CNTNAP5: variants seen among roughly 807,000 people sequenced by gnomAD.
CNTNAP5 encodes contactin-associated protein-like 5.
A neutral mutation model predicts 150.2 loss-of-function variants in CNTNAP5; 72 were observed. The observed-to-expected ratio is 0.48, with a 90% CI of 0.40 to 0.58. The LOEUF is 0.58. Ranked by LOEUF, CNTNAP5 falls within the 20% of genes least tolerant of loss-of-function variation. CNTNAP5 has a pLI of 0.00. For missense variants in CNTNAP5, 1,636 were observed against 1,626.2 expected (o/e 1.01, Z -0.10); for synonymous variants, 672 against 619.8 (o/e 1.08, Z -1.25).
chr2:124,444,779 C>T (rs1044760627), intron 5 of CNTNAP5, among the ~76,000 whole-genome samples: 7 of 152,174 alleles, frequency 4.6e-5, no homozygotes, highest in Non-Finnish European at 1.0e-4. Flanking sequence ...TCCTGGGCCA[C>T]GCTTCCCTAC....
intron 17 of CNTNAP5, among the ~76,000 whole-genome samples, chr2:124,777,466 C>T (rs1681349885): frequency 1.3e-5 from 2 of 152,018 alleles, no homozygotes; most frequent in Admixed American, 6.6e-5. Flanking sequence ...CACTGAAACC[C>T]CTGCTTCCCG....
chr2:124,099,935 C>T (rs1683026700), intron 1 of CNTNAP5, among the ~76,000 whole-genome samples: 1 of 152,186 alleles, frequency 6.6e-6, no homozygotes, highest in African/African-American at 2.4e-5. Flanking sequence ...AAGCCCACTT[C>T]CAACACTGGA....
intron 1 of CNTNAP5, among the ~76,000 whole-genome samples, chr2:124,191,030 A>G (rs1414136304): frequency 6.6e-6 from 1 of 152,126 alleles, no homozygotes; most frequent in Non-Finnish European, 1.5e-5. Flanking sequence ...GCTTTTTTTG[A>G]GACATATTTT....
chr2:124,836,804 A>G lies in CNTNAP5; in HGVS notation c.3218-28502A>G, dbSNP rs188553708. ...TATGCTCTTGCCCAGAGAGGTCATA[A>G]TCCCCACTGAACAGTGATTAATTAT... On this transcript the variant is annotated intron_variant, in intron 19 of 23. Coordinates refer to ENST00000682447, the MANE Select transcript of CNTNAP5 (RefSeq NM_001367498.1). Among the ~76,000 whole-genome samples the G allele has an allele frequency of 1.2e-4, 18 of 152,236 alleles. No individual in the cohort carries two copies. In the East Asian group the frequency reaches 3.5e-3, roughly 29 times the overall value.
intron 6 of CNTNAP5, among the ~76,000 whole-genome samples, chr2:124,456,650 T>G (rs1302768930): frequency 6.6e-6 from 1 of 152,134 alleles, no homozygotes; most frequent in Non-Finnish European, 1.5e-5. Flanking sequence ...GGCATCACAT[T>G]ACCTGATTTC....
Position 124,580,543 on chromosome 2 carries a change from C to T in CNTNAP5, c.1756+17220C>T, listed in dbSNP as rs189093331. 3.1e-4 allele frequency among the ~76,000 whole-genome samples: 47 copies of T among 152,310 alleles called. 1 individual carries two copies. In the South Asian group the frequency reaches 9.1e-3, roughly 30 times the overall value. On this transcript the variant is annotated intron_variant, in intron 11 of 23. Transcript: ENST00000682447. ...CTGACTCAGGAAGCTGCAAAATTCA[C>T]GAATCGTTCTTTGCTCAATTAAACA...
chr2:124,598,646 C>T (rs1348184353), intron 11 of CNTNAP5, among the ~76,000 whole-genome samples: 1 of 150,688 alleles, frequency 6.6e-6, no homozygotes, highest in African/African-American at 2.4e-5. Flanking sequence ...GGCAGGCAGG[C>T]CTCCTTGAGC....
At chr2:124,252,270 G>T (rs574173423) in intron 3 of CNTNAP5, among the ~76,000 whole-genome samples, 1 of 152,178 alleles carries the variant, frequency 6.6e-6, no homozygotes, top group African/African-American at 2.4e-5. Flanking sequence ...TAATAGGCAC[G>T]TAATTTAAGG....
intron 12 of CNTNAP5, among the ~76,000 whole-genome samples, chr2:124,629,098 C>G (rs1677792220): frequency 6.6e-6 from 1 of 152,198 alleles, no homozygotes; most frequent in South Asian, 2.1e-4. Context: ...CAGACCCCCA[C>G]ACAATGATAG....
chr2:124,788,049 C>T (rs575845552), intron 17 of CNTNAP5, among the ~76,000 whole-genome samples: 27 of 152,326 alleles, frequency 1.8e-4, no homozygotes, highest in African/African-American at 5.5e-4. Context: ...CTGTGTGTGG[C>T]TTTCACTCAT....
intron 12 of CNTNAP5, among the ~76,000 whole-genome samples, chr2:124,627,513 C>A (rs1434829587): frequency 8.3e-6 from 1 of 120,546 alleles, no homozygotes; most frequent in Admixed American, 8.3e-5. Flanking sequence ...CAGAAAGCAA[C>A]AACAACATCA....
intron 1 of CNTNAP5, among the ~76,000 whole-genome samples, chr2:124,044,534 A>G (rs1681474158): frequency 6.6e-6 from 1 of 152,212 alleles, no homozygotes; most frequent in African/African-American, 2.4e-5. Flanking sequence ...ATATTGGTAA[A>G]GAAAGACATT....
At chr2:124,621,447 C>T (rs1052912625) in intron 12 of CNTNAP5, among the ~76,000 whole-genome samples, 1 of 152,170 alleles carries the variant, frequency 6.6e-6, no homozygotes, top group African/African-American at 2.4e-5. Context: ...CATATCTTGT[C>T]ACTCTGGCTA....
intron 3 of CNTNAP5, among the ~76,000 whole-genome samples, chr2:124,305,498 AT>A (rs896210207): frequency 2.4e-4 from 37 of 152,070 alleles, no homozygotes; most frequent in African/African-American, 8.7e-4. Flanking sequence ...TAGTTATGTC[AT>A]TTTTTTTAGG....
chr2:124,078,839 A>G (rs992742666), intron 1 of CNTNAP5, among the ~76,000 whole-genome samples: 1 of 152,172 alleles, frequency 6.6e-6, no homozygotes, highest in Admixed American at 6.5e-5. Flanking sequence ...ACGTCAATAT[A>G]TGGGGCATGG....
chr2:124,785,041 G>GAAA (rs67254743), intron 17 of CNTNAP5, among the ~76,000 whole-genome samples: 55 of 123,300 alleles, frequency 4.5e-4, no homozygotes, highest in Middle Eastern at 4.3e-3. Flanking sequence ...TTAAGGCTGA[G>GAAA]AAAAAAAAAA....
chr2:124,837,188 A>G (rs1682847536), intron 19 of CNTNAP5, among the ~76,000 whole-genome samples: 1 of 152,254 alleles, frequency 6.6e-6, no homozygotes, highest in South Asian at 2.1e-4. Flanking sequence ...ATCAAAAAAA[A>G]AAAAAGGTTA....
In CNTNAP5 at chr2:124,382,945, C is replaced by T. The variant is rs556654589; in HGVS notation, c.382-34498C>T. Among the ~76,000 whole-genome samples the T allele has an allele frequency of 2.0e-5, 3 of 152,156 alleles. No individual in the cohort carries two copies. In the South Asian group the frequency reaches 6.2e-4, roughly 32 times the overall value. On this transcript the variant is annotated intron_variant, in intron 3 of 23. Transcript: ENST00000682447. The stretch of plus-strand genomic sequence containing the variant: ...GTTCTTAACATTCCTCGGATTCTGG[C>T]ATTTTCTTGAAATAAAATTAGGTAT...
chr2:124,541,236 C>A (rs1323085678), intron 10 of CNTNAP5, among the ~76,000 whole-genome samples: 2 of 101,126 alleles, frequency 2.0e-5, no homozygotes, highest in Admixed American at 2.5e-4. Context: ...TAGCTGAAAA[C>A]AAATTCCCCA....
Sources: gnomAD v4.1 joint callset for allele counts (sites outside exome capture counted in the v4.1 genomes callset) on GRCh38, gnomAD v4.1.1 for gene constraint, MANE v1.5 for transcripts, NCBI Gene and HGNC (gene_info 2026-07-23, HGNC 2026-07-21) for gene names.